Variants in DERA observed in about 807,000 individuals in gnomAD.
The protein encoded by DERA is deoxyribose-phosphate aldolase, also known as 2-deoxy-D-ribose 5-phosphate aldolase.
A neutral mutation model predicts 41.1 loss-of-function variants in DERA; 15 were observed. That is an observed-to-expected ratio of 0.37 (90% CI 0.24 to 0.56). The LOEUF (loss-of-function observed/expected upper bound fraction) is 0.56. DERA is among the 20% of genes least tolerant of loss of function. The probability of loss-of-function intolerance (pLI) is 0.81; values close to 1 mark genes in which losing one functional copy is unlikely to be tolerated. For missense variants in DERA, 396 were observed against 403.4 expected (o/e 0.98, Z 0.16); for synonymous variants, 139 against 137.4 (o/e 1.01, Z -0.08).
In DERA at chr12:16,004,158, T is replaced by C. The variant is rs541669192; in HGVS notation, c.637+21722T>C. Among the ~76,000 whole-genome samples the C allele has an allele frequency of 6.6e-6, 1 of 152,354 alleles. No homozygotes were observed. Among genetic ancestry groups the C allele is most frequent in the Admixed American group, 6.5e-5 (1 of 15,300 alleles). On this transcript the variant is annotated intron_variant, in intron 6 of 8. Coordinates refer to ENST00000428559, the MANE Select transcript of DERA (RefSeq NM_015954.4). This position sits in a 1 kb window ranked among gnomAD's most constrained non-coding sequence, Gnocchi z 4.2. ...AGGTTGGAGAATGGCATTACTAAAC[T>C]GCTCAATTTAATAATTAGAGGTAGA...
At position 15,990,846 on chromosome 12, in the gene DERA, C is replaced by T. The variant is rs985499681; in HGVS notation, c.637+8410C>T. Among the ~76,000 whole-genome samples the T allele has an allele frequency of 1.3e-5, 2 of 152,084 alleles. No individual in the cohort carries two copies. The highest frequency in any genetic ancestry group is 2.9e-5 in the Non-Finnish European group (2 of 68,002). ...TATATATACACCACATTTTATTTAT[C>T]CAGTCTATCATTGATGGACATTTAC... On this transcript the variant is annotated intron_variant, in intron 6 of 8. Coordinates refer to ENST00000428559, the MANE Select transcript of DERA (RefSeq NM_015954.4). The surrounding 1 kb of genome is among the most constrained non-coding windows in gnomAD (Gnocchi z 4.3).
chr12:16,027,392 T>C (rs147422999), intron 6 of DERA, among the ~76,000 whole-genome samples: 193 of 152,340 alleles, frequency 1.3e-3, no homozygotes, highest in African/African-American at 3.9e-3. Flanking sequence ...AACCTGTGAA[T>C]GTTACCCTCT....
rs983309454 is a variant in DERA, at chr12:15,928,093, C to A, written c.31+16679C>A. The stretch of plus-strand genomic sequence containing the variant: ...TGTATACAATGTGAAATGATTAAAT[C>A]AAGCTGAGTGACTTCATCACCTCAC... On this transcript the variant is annotated intron_variant, in intron 1 of 8. Coordinates refer to ENST00000428559, the MANE Select transcript of DERA (RefSeq NM_015954.4). The surrounding 1 kb of genome is among the most constrained non-coding windows in gnomAD (Gnocchi z 4.6). Among the ~76,000 whole-genome samples, 4 of 152,276 alleles carry A rather than the reference C, an allele frequency of 2.6e-5. No individual in the cohort carries two copies. In the East Asian group the frequency reaches 7.7e-4, roughly 29 times the overall value.
Position 15,959,741 on chromosome 12 carries a change from C to T in DERA, c.278-88C>T. On this transcript the variant is annotated intron_variant, in intron 3 of 8. Coordinates refer to ENST00000428559, the MANE Select transcript of DERA (RefSeq NM_015954.4). This position sits in a 1 kb window ranked among gnomAD's most constrained non-coding sequence, Gnocchi z 4.5. ...TTATTTTTTTCTCATTTGATTTTTG[C>T]CAGTGTTGCGATATAAATAATAATT... 1.2e-6 allele frequency: 1 copy of T among 807,824 alleles called. No individual in the cohort carries two copies. The allele number at this position is 807,824 out of a possible 1,614,324, so 50.0% of individuals were successfully genotyped here.
At chr12:16,030,078 A>G (rs896271901) in intron 6 of DERA, among the ~76,000 whole-genome samples, 3 of 130,612 alleles carry the variant, frequency 2.3e-5, no homozygotes, top group African/African-American at 8.0e-5. Flanking sequence ...ACCCACCACC[A>G]TGCCCGGCTA....
chr12:15,984,483 A>G lies in DERA; in HGVS notation c.637+2047A>G, dbSNP rs1948751723. On this transcript the variant is annotated intron_variant, in intron 6 of 8. Coordinates refer to ENST00000428559, the MANE Select transcript of DERA (RefSeq NM_015954.4). The surrounding 1 kb of genome is among the most constrained non-coding windows in gnomAD (Gnocchi z 4.5). ...TTGTTGAGCACTTAGTATGAGTAAT[A>G]AAACCGTATTCATGGTGTGCTTTAC... 6.6e-6 allele frequency among the ~76,000 whole-genome samples: 1 copy of G among 152,186 alleles called. No individual in the cohort carries two copies. Among genetic ancestry groups the G allele is most frequent in the African/African-American group, 2.4e-5 (1 of 41,454 alleles).
rs909142502 is a variant in DERA, at chr12:16,014,206, T to G, written c.638-18336T>G. Among the ~76,000 whole-genome samples, 3 of 152,074 alleles carry G rather than the reference T, an allele frequency of 2.0e-5. No individual in the cohort carries two copies. The East Asian group carries it at 5.8e-4, about 29-fold the overall frequency. On this transcript the variant is annotated intron_variant, in intron 6 of 8. Transcript: ENST00000428559. This position sits in a 1 kb window ranked among gnomAD's most constrained non-coding sequence, Gnocchi z 5.4. ...GAGAAATTCAAGCCAGATGCAGAAA[T>G]TTGCATAAGTAACGAGGAGCCAAAT... is the stretch of plus-strand genomic sequence containing the variant.
chr12:15,956,525 A>G lies in DERA; in HGVS notation c.32-411A>G, dbSNP rs117552264. 537 of 352,468 alleles carry G rather than the reference A, an allele frequency of 1.5e-3. 6 individuals are homozygous for G. In the East Asian group the frequency reaches 0.035, roughly 23 times the overall value. 21.8% of individuals were successfully genotyped at this position (352,468 alleles called of 1,614,324 possible). On this transcript the variant is annotated intron_variant, in intron 1 of 8. Transcript: ENST00000428559. ...ATTCTGTAAGCCCCACCATTAGTTC[A>G]CTTAAGATTTGTTAATCATTTGCTC...
rs530606014 is a variant in DERA at position 15,994,705 on chromosome 12, G to A, written c.637+12269G>A. 1.3e-4 allele frequency among the ~76,000 whole-genome samples: 20 copies of A among 152,184 alleles called. No individual in the cohort carries two copies. The highest frequency in any genetic ancestry group is 6.8e-3 in the Middle Eastern group (2 of 292). On this transcript the variant is annotated intron_variant, in intron 6 of 8. Coordinates refer to ENST00000428559, the MANE Select transcript of DERA (RefSeq NM_015954.4). This position sits in a 1 kb window ranked among gnomAD's most constrained non-coding sequence, Gnocchi z 4.8. ...CCTGACCTCGCGATCCACCCACCTC[G>A]GCCTCCCAAAGTGCTGGGATTACAG... is the stretch of plus-strand genomic sequence containing the variant.
chr12:15,971,592 C>T (rs1948660998), intron 5 of DERA, among the ~76,000 whole-genome samples: 1 of 145,328 alleles, frequency 6.9e-6, no homozygotes, highest in Non-Finnish European at 1.5e-5. Context: ...TCTTGGCTCA[C>T]TGCAGTCTCT....
intron 1 of DERA, among the ~76,000 whole-genome samples, chr12:15,925,588 G>T (rs952628780): frequency 6.6e-6 from 1 of 152,114 alleles, no homozygotes; most frequent in Admixed American, 6.5e-5. Context: ...GGTATACATA[G>T]ATTACCTTTA....
In DERA at chr12:15,943,396, C is replaced by T. The variant is rs550554549; in HGVS notation, c.32-13540C>T. On this transcript the variant is annotated intron_variant, in intron 1 of 8. Coordinates refer to ENST00000428559, the MANE Select transcript of DERA (RefSeq NM_015954.4). This position sits in a 1 kb window ranked among gnomAD's most constrained non-coding sequence, Gnocchi z 4.5. ...TTGCTTGAGCTTCCTACTTGACTTT[C>T]GCACCACAGCCAGAGGGGTTATTTA... Among the ~76,000 whole-genome samples, 13 of 152,314 alleles carry T rather than the reference C, an allele frequency of 8.5e-5. No individual in the cohort carries two copies. Among genetic ancestry groups the T allele is most frequent in the African/African-American group, 3.1e-4 (13 of 41,566 alleles).
rs542281957 is a variant in DERA, at chr12:15,999,791, G to A, written c.637+17355G>A. Among the ~76,000 whole-genome samples the A allele has an allele frequency of 2.0e-5, 3 of 152,276 alleles. No individual in the cohort carries two copies. Among genetic ancestry groups the A allele is most frequent in the East Asian group, 1.9e-4 (1 of 5,184 alleles). The stretch of plus-strand genomic sequence containing the variant: ...CATTCATTCATTCATTTATTCAGTC[G>A]TTAGGATTTATTGGAAGTTTGCTGT... On this transcript the variant is annotated intron_variant, in intron 6 of 8. Transcript: ENST00000428559. This position sits in a 1 kb window ranked among gnomAD's most constrained non-coding sequence, Gnocchi z 5.3.
rs1446045127 is a variant in DERA, at chr12:15,936,863, GTC to G, written c.32-20071_32-20070del. Among the ~76,000 whole-genome samples the G allele has an allele frequency of 2.5e-4, 34 of 134,164 alleles. No individual in the cohort carries two copies. In the Middle Eastern group the frequency reaches 0.011, roughly 43 times the overall value. The allele number at this position is 134,164 out of a possible 152,430, so 88.0% of individuals were successfully genotyped here. On this transcript the variant is annotated intron_variant, in intron 1 of 8. Transcript: ENST00000428559. This position sits in a 1 kb window ranked among gnomAD's most constrained non-coding sequence, Gnocchi z 4.6. ...CTTCTGTCTTGTGTTGTCTTGTCTT[GTC>G]TTGTCTTGTCTTGTCTTGTCTTGTC... is the stretch of plus-strand genomic sequence containing the variant.
At chr12:15,933,935 C>CCACGT (rs1306061031) in intron 1 of DERA, among the ~76,000 whole-genome samples, 1 of 152,118 alleles carries the variant, frequency 6.6e-6, no homozygotes, top group African/African-American at 2.4e-5. Context: ...GACTGTCAGG[C>CCACGT]CACGTAAGCT....
intron 5 of DERA, 139 bp downstream of exon 5, chr12:15,963,086 C>G: frequency 1.6e-6 from 2 of 1,235,876 alleles, no homozygotes; most frequent in East Asian, 2.7e-5. Flanking sequence ...TAGGAGAAAG[C>G]AGGCTAAGAT....
At chr12:16,018,344 T>A (rs1948997510) in intron 6 of DERA, among the ~76,000 whole-genome samples, 1 of 152,218 alleles carries the variant, frequency 6.6e-6, no homozygotes, top group Non-Finnish European at 1.5e-5. Flanking sequence ...ATTATTGCAG[T>A]CTGCATTTAA....
At position 16,020,133 on chromosome 12, in the gene DERA, T is replaced by G. The variant is rs1446782912; in HGVS notation, c.638-12409T>G. Among the ~76,000 whole-genome samples the G allele has an allele frequency of 6.6e-6, 1 of 152,170 alleles. No homozygotes were observed. Among genetic ancestry groups the G allele is most frequent in the Non-Finnish European group, 1.5e-5 (1 of 68,028 alleles). The stretch of plus-strand genomic sequence containing the variant: ...ACACTTACTGTACAGTCTGCAGAAT[T>G]GTGAGCCAATTAAACCTCTTTTCTT... On this transcript the variant is annotated intron_variant, in intron 6 of 8. Coordinates refer to ENST00000428559, the MANE Select transcript of DERA (RefSeq NM_015954.4). The surrounding 1 kb of genome is among the most constrained non-coding windows in gnomAD (Gnocchi z 5.5).
Position 16,017,717 on chromosome 12 carries a change from A to G in DERA, c.638-14825A>G, listed in dbSNP as rs569926480. Among the ~76,000 whole-genome samples, 6 of 152,166 alleles carry G rather than the reference A, an allele frequency of 3.9e-5. No individual in the cohort carries two copies. Among genetic ancestry groups the G allele is most frequent in the Non-Finnish European group, 8.8e-5 (6 of 68,010 alleles). The stretch of plus-strand genomic sequence containing the variant: ...GCATACCCTGCTTAATTTTTTTCCA[A>G]GTGTCCCATTGCAGATTGCAAGTAT... On this transcript the variant is annotated intron_variant, in intron 6 of 8. Coordinates refer to ENST00000428559, the MANE Select transcript of DERA (RefSeq NM_015954.4). The surrounding 1 kb of genome is among the most constrained non-coding windows in gnomAD (Gnocchi z 5.5).
Sources: allele counts gnomAD v4.1 joint callset (sites outside exome capture counted in the v4.1 genomes callset), GRCh38; gene constraint gnomAD v4.1.1; non-coding constraint Gnocchi (gnomAD v3.1); transcripts MANE v1.5; gene names NCBI Gene and HGNC (gene_info 2026-07-23, HGNC 2026-07-21).